LASP1: variants seen among roughly 807,000 people sequenced by gnomAD.
LASP1 encodes LIM and SH3 protein 1.
In LASP1, 10 loss-of-function variants were observed where a neutral mutation model predicts 38.6. The observed-to-expected ratio is 0.26, with a 90% CI of 0.16 to 0.44. The LOEUF (loss-of-function observed/expected upper bound fraction) is 0.44. Ranked by LOEUF, LASP1 falls within the 20% of genes least tolerant of loss-of-function variation. LASP1 has a pLI of 1.00. For missense variants in LASP1, 243 were observed against 375.7 expected, an observed-to-expected ratio of 0.65 and a Z score of 2.92; for synonymous variants, 132 against 140.8, an observed-to-expected ratio of 0.94 and a Z score of 0.44.
intron 2 of LASP1, among the ~76,000 whole-genome samples, chr17:38,888,504 C>T (rs1914212396): frequency 6.6e-6 from 1 of 152,222 alleles, no homozygotes; most frequent in Non-Finnish European, 1.5e-5. Context: ...TCTCGAACTC[C>T]TGGCCTCAAG....
intron 3 of LASP1, among the ~76,000 whole-genome samples, chr17:38,891,241 G>T (rs777382443): frequency 2.7e-4 from 41 of 152,226 alleles, no homozygotes; most frequent in Non-Finnish European, 4.9e-4. Context: ...AGGATTAGGC[G>T]CGAGAATACA....
In LASP1 at chr17:38,899,747, C is replaced by CTTTTTTTTTTTTTT. The variant is rs34397105; in HGVS notation, c.357+1230_357+1243dup. On this transcript the variant is annotated intron_variant, in intron 4 of 6. Transcript: ENST00000318008. ...CTTCCTACTTAGAGGGCGTTCAGAT[C>CTTTTTTTTTTTTTT]TTTTTTTTTTTTTTTGAGACAGAGT... Among the ~76,000 whole-genome samples the CTTTTTTTTTTTTTT allele has an allele frequency of 1.6e-3, 215 of 136,096 alleles. 7 individuals are homozygous for CTTTTTTTTTTTTTT. Among genetic ancestry groups the CTTTTTTTTTTTTTT allele is most frequent in the South Asian group, 0.015 (63 of 4,112 alleles). 89.3% of individuals were successfully genotyped at this position (136,096 alleles called of 152,430 possible).
chr17:38,900,902 C>G (rs1914624416), intron 4 of LASP1, among the ~76,000 whole-genome samples: 1 of 152,212 alleles, frequency 6.6e-6, no homozygotes, highest in Non-Finnish European at 1.5e-5. Context: ...TGGAGCTTCC[C>G]TTTGGCTCAG....
rs1915306026 is a variant in LASP1 at position 38,921,710 on chromosome 17, T to C, written c.*2932T>C. 1 of 229,372 alleles carries C rather than the reference T, an allele frequency of 4.4e-6. No individual in the cohort carries two copies. Among genetic ancestry groups the C allele is most frequent in the Middle Eastern group, 1.3e-3 (1 of 764 alleles). 14.2% of individuals were successfully genotyped at this position (229,372 alleles called of 1,614,324 possible). On this transcript the variant is annotated 3_prime_UTR_variant, in exon 7 of 7. Coordinates refer to ENST00000318008, the MANE Select transcript of LASP1 (RefSeq NM_006148.4). ...CTGTTATGATTCTGAACATTTGACT[T>C]GAACCACAAGTGAATCTTTCTCCTG...
At chr17:38,894,098 G>T (rs576437946) in intron 3 of LASP1, among the ~76,000 whole-genome samples, 1 of 152,188 alleles carries the variant, frequency 6.6e-6, no homozygotes, top group African/African-American at 2.4e-5. Context: ...TGACCCTCTC[G>T]GTGGTCCTGC....
At chr17:38,914,595 G>A (rs901832499) in intron 5 of LASP1, 120 bp downstream of exon 5, 2 of 1,263,070 alleles carry the variant, frequency 1.6e-6, no homozygotes, top group Non-Finnish European at 2.1e-6. Context: ...ATCAACAGGC[G>A]ATTATGCCTC....
intron 2 of LASP1, among the ~76,000 whole-genome samples, chr17:38,885,419 C>T (rs962756426): frequency 6.6e-6 from 1 of 152,220 alleles, no homozygotes; most frequent in Non-Finnish European, 1.5e-5. Flanking sequence ...CCTGTTTGCC[C>T]TGCCCTATCC....
intron 4 of LASP1, among the ~76,000 whole-genome samples, chr17:38,913,513 C>T (rs1265581111): frequency 2.0e-5 from 3 of 152,184 alleles, no homozygotes; most frequent in Non-Finnish European, 2.9e-5. Flanking sequence ...TTATCAATCC[C>T]TTCGCTTCCT....
intron 3 of LASP1, 44 bp downstream of exon 3, chr17:38,890,548 G>T: frequency 6.4e-7 from 1 of 1,565,194 alleles, no homozygotes. Context: ...GAGGGATGCT[G>T]GGGAGGGAAG....
chr17:38,918,694 G>T lies in LASP1; in HGVS notation c.702G>T (p.Gln234His). The T allele has an allele frequency of 6.2e-7, 1 of 1,614,140 alleles. No individual in the cohort carries two copies. Among genetic ancestry groups the T allele is most frequent in the Non-Finnish European group, 8.5e-7 (1 of 1,179,996 alleles). The change falls in exon 7 of 7, where the codon CAG becomes CAT. Residue 234 changes from glutamine (Q) to histidine (H), a missense_variant. Gln to His is a conservative substitution (Grantham distance 24). This residue lies in a region of LASP1 where 165 missense variants were observed against 210.3 expected (regional missense o/e 0.78). Transcript: ENST00000318008. This position sits in a 1 kb window ranked among gnomAD's most constrained non-coding sequence, Gnocchi z 4.4. ...QDGDTIVNVQ[Q>H]IDDGWMYGTV... ...GGGACACCATCGTCAACGTGCAGCA[G>T]ATCGACGACGGCTGGATGTACGGGA...
intron 1 of LASP1, among the ~76,000 whole-genome samples, chr17:38,871,752 C>T (rs758819460): frequency 6.6e-6 from 1 of 151,988 alleles, no homozygotes; most frequent in Non-Finnish European, 1.5e-5. Flanking sequence ...GCTGCTGTGT[C>T]ACTGTTCCTC....
At chr17:38,895,329 G>A (rs1914454957) in intron 3 of LASP1, among the ~76,000 whole-genome samples, 1 of 146,608 alleles carries the variant, frequency 6.8e-6, no homozygotes, top group Admixed American at 6.8e-5. Flanking sequence ...TAATTTTTGT[G>A]TTTTTTTTTT....
chr17:38,920,066 C>G lies in LASP1; in HGVS notation c.*1288C>G, dbSNP rs1018035511. 1.9e-6 allele frequency: 1 copy of G among 536,828 alleles called. No homozygotes were observed. The highest frequency in any genetic ancestry group is 1.5e-5 in the South Asian group (1 of 65,252). 33.3% of individuals were successfully genotyped at this position (536,828 alleles called of 1,614,324 possible). On this transcript the variant is annotated 3_prime_UTR_variant, in exon 7 of 7. Transcript: ENST00000318008. The stretch of plus-strand genomic sequence containing the variant: ...TTTGGAATGAAATTCCTCCTTCCCC[C>G]CATCTCTGAGTGGAGGAAGCCCACC...
chr17:38,896,954 TAC>T, intron 3 of LASP1: 1 of 985,438 alleles, frequency 1.0e-6, no homozygotes, highest in Non-Finnish European at 1.2e-6. Flanking sequence ...TATCTGGAGC[TAC>T]ATTTCTCTGC....
At chr17:38,890,576 G>A in intron 3 of LASP1, 72 bp downstream of exon 3, 1 of 1,372,832 alleles carries the variant, frequency 7.3e-7, no homozygotes, top group Non-Finnish European at 1.0e-6. Flanking sequence ...GTCGGCATTT[G>A]GCAAGAGTAC....
Position 38,870,085 on chromosome 17 carries a change from G to T in LASP1, c.-105G>T, listed in dbSNP as rs1023103510. Reference sequence around the variant, plus strand: ...CAGTTCCCCAGCTCCAGCCGCCGTCGCTGCTGCCTGTGTAGTTGCAGCCGC... The same window carrying T: ...CAGTTCCCCAGCTCCAGCCGCCGTCTCTGCTGCCTGTGTAGTTGCAGCCGC... On this transcript the variant is annotated 5_prime_UTR_variant, in exon 1 of 7. Coordinates refer to ENST00000318008, the MANE Select transcript of LASP1 (RefSeq NM_006148.4). 1.0e-5 allele frequency: 13 copies of T among 1,239,510 alleles called. No homozygotes were observed. Among genetic ancestry groups the T allele is most frequent in the Non-Finnish European group, 1.4e-5 (12 of 864,446 alleles). The allele number at this position is 1,239,510 out of a possible 1,614,324, so 76.8% of individuals were successfully genotyped here.
chr17:38,874,740 C>G, intron 1 of LASP1, among the ~76,000 whole-genome samples: 1 of 152,180 alleles, frequency 6.6e-6, no homozygotes, highest in Non-Finnish European at 1.5e-5. Flanking sequence ...CTGCCCCACC[C>G]TTGGGTGTCT....
At chr17:38,911,666 C>A (rs1028584885) in intron 4 of LASP1, among the ~76,000 whole-genome samples, 2 of 152,198 alleles carry the variant, frequency 1.3e-5, no homozygotes, top group African/African-American at 4.8e-5. Flanking sequence ...GGTGCCCTTC[C>A]TAGTGGGGTT....
Position 38,890,420 on chromosome 17 carries a change from A to G in LASP1, c.165A>G (p.Ala55=), listed in dbSNP as rs769217240. ...KGYEKKPYCN[A]HYPKQSFTMV... is the part of the protein sequence containing the mutation. ...CCACTCTGTTTTTTCTGTCCTGCAG[A>G]CACTACCCCAAGCAGTCCTTCACCA... The change falls in exon 3 of 7, where the codon GCA becomes GCG. Residue 55 remains alanine (A), a splice_region_variant and synonymous_variant. Coordinates refer to ENST00000318008, the MANE Select transcript of LASP1 (RefSeq NM_006148.4). The G allele has an allele frequency of 2.2e-5, 36 of 1,613,822 alleles. No homozygotes were observed. The highest frequency in any genetic ancestry group is 2.9e-5 in the Non-Finnish European group (34 of 1,179,942).
Sources: allele counts gnomAD v4.1 joint callset (sites outside exome capture counted in the v4.1 genomes callset), GRCh38; gene constraint gnomAD v4.1.1; regional missense constraint gnomAD v4.1.1; non-coding constraint Gnocchi (gnomAD v3.1); transcripts MANE v1.5; gene names NCBI Gene and HGNC (gene_info 2026-07-23, HGNC 2026-07-21).